The following VWDE variants were observed in gnomAD, a reference collection of about 807,000 sequenced individuals.
VWDE encodes the protein von Willebrand factor D and EGF domain-containing protein.
VWDE carries 207 observed loss-of-function variants against 178.4 expected under a neutral mutation model. The observed-to-expected ratio is 1.16, with a 90% confidence interval of 1.04 to 1.30. VWDE has a LOEUF of 1.30. Ranked by LOEUF, VWDE falls within the 50% of genes most tolerant of loss-of-function variation. The pLI is 0.00. For missense variants in VWDE, 2,287 were observed against 1,901.3 expected (o/e 1.20, Z -3.77); for synonymous variants, 738 against 651.4 (o/e 1.13, Z -2.02).
intron 24 of VWDE, among the ~76,000 whole-genome samples, chr7:12,338,980 C>G (rs1781185449): frequency 6.6e-6 from 1 of 152,032 alleles, no homozygotes; most frequent in Non-Finnish European, 1.5e-5. Context: ...GCCATCTTCC[C>G]TTCCCACCAT....
At chr7:12,398,378 G>A (rs1228444861) in intron 1 of VWDE, among the ~76,000 whole-genome samples, 1 of 152,114 alleles carries the variant, frequency 6.6e-6, no homozygotes, top group Non-Finnish European at 1.5e-5. Flanking sequence ...AAACTTACCA[G>A]ATTACCACAT....
intron 10 of VWDE, among the ~76,000 whole-genome samples, chr7:12,371,201 GATA>G (rs1333797229): frequency 2.0e-5 from 3 of 152,082 alleles, no homozygotes; most frequent in Admixed American, 6.6e-5. Flanking sequence ...TAATGTTTCT[GATA>G]ATAATTATTT....
chr7:12,360,979 G>A (rs532498909), intron 15 of VWDE, among the ~76,000 whole-genome samples, 168 bp downstream of exon 15: 8 of 152,160 alleles, frequency 5.3e-5, no homozygotes, highest in Admixed American at 1.3e-4. Flanking sequence ...GAACCTCTTC[G>A]TTGCAGGCAG....
chr7:12,338,682 A>G (rs948911677), intron 24 of VWDE, among the ~76,000 whole-genome samples: 2 of 152,148 alleles, frequency 1.3e-5, no homozygotes, highest in Admixed American at 1.3e-4. Flanking sequence ...ACATATATTT[A>G]TGAGATCTAT....
intron 6 of VWDE, among the ~76,000 whole-genome samples, chr7:12,378,813 G>A (rs1783678682): frequency 1.3e-5 from 2 of 152,142 alleles, no homozygotes; most frequent in East Asian, 3.8e-4. Flanking sequence ...CTGGTCCTGA[G>A]TCCTATTCTC....
Position 12,377,929 on chromosome 7 carries a change from A to C in VWDE, c.880-9T>G, listed in dbSNP as rs1783632612. 1 of 1,373,680 alleles carries C rather than the reference A, an allele frequency of 7.3e-7. No individual in the cohort carries two copies. The highest frequency in any genetic ancestry group is 1.5e-5 in the African/African-American group (1 of 66,568). The allele number at this position is 1,373,680 out of a possible 1,614,324, so 85.1% of individuals were successfully genotyped here. On this transcript the variant is annotated splice_polypyrimidine_tract_variant and intron_variant, in intron 6 of 28. Transcript: ENST00000275358. ...CTCAATTCAGGCTGTAGCTGGTATA[A>C]GAAAATACGTAGAAAAATTATGTTA... is the stretch of plus-strand genomic sequence containing the variant.
chr7:12,345,290 G>A (rs1268419473), intron 19 of VWDE, among the ~76,000 whole-genome samples: 2 of 151,988 alleles, frequency 1.3e-5, no homozygotes. Flanking sequence ...AGTGAACTAA[G>A]CAGAATAAAT....
At chr7:12,379,669 T>C (rs994470755) in intron 5 of VWDE, 103 bp from the exon 6 acceptor site, 2 of 677,572 alleles carry the variant, frequency 3.0e-6, no homozygotes, top group Admixed American at 3.3e-5. Context: ...ATAGATAGTA[T>C]ATAAAGATAA....
Position 12,370,775 on chromosome 7 carries a change from T to C in VWDE, c.1677A>G (p.Arg559=). 6.5e-7 allele frequency: 1 copy of C among 1,550,054 alleles called. No homozygotes were observed. The highest frequency in any genetic ancestry group is 8.7e-7 in the Non-Finnish European group (1 of 1,146,198). Residue 559 remains arginine (R), a synonymous_variant, in exon 11 of 29, where the codon AGA becomes AGG. Transcript: ENST00000275358. ...LTIRAPSVDY[R]NTLGLCGTFD... ...AGGTTCCACAAAGTCCCAGAGTGTT[T>C]CTGTAATCTACACTAGGGGCTCTGA... is the stretch of plus-strand genomic sequence containing the variant.
intron 1 of VWDE, among the ~76,000 whole-genome samples, chr7:12,401,123 T>G (rs1344393791): frequency 6.6e-6 from 1 of 152,152 alleles, no homozygotes; most frequent in Non-Finnish European, 1.5e-5. Flanking sequence ...GAAGAAAGAC[T>G]AGATGCTTTC....
chr7:12,357,502 TG>T lies in VWDE; in HGVS notation c.3287del (p.Pro1096GlnfsTer2). On this transcript the variant is annotated frameshift_variant, in exon 17 of 29. Coordinates refer to ENST00000275358, the MANE Select transcript of VWDE (RefSeq NM_001135924.3). LOFTEE classifies it high-confidence loss of function. Reference sequence around the variant, plus strand: ...ATTTGTCTTGCAATGCTTGAATCACTGGGGGCTGGTTGTCTGTAATAGAGAA... The same window carrying T: ...ATTTGTCTTGCAATGCTTGAATCACTGGGGCTGGTTGTCTGTAATAGAGAA... ...TWSFLENNQPPVIQALQDKLQ... is the reference protein window; with the variant it reads ...TWSFLENNQPXVIQALQDKLQ... The T allele has an allele frequency of 6.4e-7, 1 of 1,552,258 alleles. No homozygotes were observed. Among genetic ancestry groups the T allele is most frequent in the Non-Finnish European group, 8.7e-7 (1 of 1,147,114 alleles).
At chr7:12,343,206 C>G in intron 21 of VWDE, 28 bp from the exon 22 acceptor site, 1 of 1,494,716 alleles carries the variant, frequency 6.7e-7, no homozygotes. Flanking sequence ...GTTATTATGT[C>G]AGTTCTTAAT....
At chr7:12,333,284 A>C (rs1174371406) in intron 28 of VWDE, among the ~76,000 whole-genome samples, 181 bp downstream of exon 28, 2 of 152,150 alleles carry the variant, frequency 1.3e-5, no homozygotes, top group Admixed American at 1.3e-4. Context: ...TACACATCAA[A>C]ATTTTATATA....
In VWDE at chr7:12,396,769, AAT is replaced by A. The variant is rs550202753; in HGVS notation, c.59-2993_59-2992del. On this transcript the variant is annotated intron_variant, in intron 1 of 28. Coordinates refer to ENST00000275358, the MANE Select transcript of VWDE (RefSeq NM_001135924.3). ...CATCTCTACTTAAAAAAAAAAAAAA[AAT>A]ACAAAAATACAAAATCAGCCAGGTG... is the stretch of plus-strand genomic sequence containing the variant. Among the ~76,000 whole-genome samples, 340 of 148,270 alleles carry A rather than the reference AAT, an allele frequency of 2.3e-3. 8 individuals carry two copies. In the South Asian group the frequency reaches 0.046, roughly 20 times the overall value.
chr7:12,369,436 A>G, intron 12 of VWDE, 109 bp downstream of exon 12: 1 of 1,332,984 alleles, frequency 7.5e-7, no homozygotes, highest in Non-Finnish European at 1.0e-6. Flanking sequence ...GGTTTTCTCT[A>G]TAAAATCTGA....
intron 21 of VWDE, 71 bp from the exon 22 acceptor site, chr7:12,343,249 T>C: frequency 9.1e-7 from 1 of 1,100,816 alleles, no homozygotes; most frequent in Non-Finnish European, 1.3e-6. Context: ...TATAAAGCAC[T>C]GTCACAATAA....
At chr7:12,390,742 TA>T (rs1784347345) in intron 2 of VWDE, among the ~76,000 whole-genome samples, 1 of 151,958 alleles carries the variant, frequency 6.6e-6, no homozygotes, top group Non-Finnish European at 1.5e-5. Flanking sequence ...AAATGCCTAA[TA>T]AATACATGAG....
At chr7:12,401,501 C>G (rs1287560237) in intron 1 of VWDE, among the ~76,000 whole-genome samples, 1 of 152,108 alleles carries the variant, frequency 6.6e-6, no homozygotes, top group Non-Finnish European at 1.5e-5. Flanking sequence ...CTGAGTATTT[C>G]TCTGAAGAGA....
chr7:12,355,415 C>CA (rs5882357), intron 18 of VWDE, among the ~76,000 whole-genome samples: 102,218 of 139,574 alleles, frequency 0.73, 36,983 homozygotes, highest in East Asian at 0.81. Flanking sequence ...AACTCCGTCT[C>CA]AAAAAAAAAA....
Sources: gnomAD v4.1 joint callset for allele counts (sites outside exome capture counted in the v4.1 genomes callset) on GRCh38, gnomAD v4.1.1 for gene constraint, MANE v1.5 for transcripts, NCBI Gene and HGNC (gene_info 2026-07-23, HGNC 2026-07-21) for gene names.